OR4S2: variants seen among roughly 807,000 people sequenced by gnomAD.
The protein encoded by OR4S2 is olfactory receptor 4S2.
In OR4S2, 16 loss-of-function variants were observed where a neutral mutation model predicts 15.1. The ratio of observed to expected loss-of-function variants is 1.06; its 90% CI spans 0.72 to 1.61. The LOEUF is 1.61. OR4S2 is among the 40% of genes most tolerant of loss of function. The pLI is 0.00. For synonymous variants in OR4S2, 133 were observed against 136.3 expected (o/e 0.98, Z 0.17); for missense variants, 362 against 379.6 (o/e 0.95, Z 0.38).
Position 55,651,827 on chromosome 11 carries a change from T to C in OR4S2, c.924T>C (p.Ala308=), listed in dbSNP as rs751438979. ...KLWGRNVFLE[A]KGK is the part of the protein sequence containing the mutation. Reference sequence around the variant, plus strand: ...GGGGCAGAAATGTTTTCTTGGAGGCTAAAGGGAAATAGTTGGACTTAATAA... The same window carrying C: ...GGGGCAGAAATGTTTTCTTGGAGGCCAAAGGGAAATAGTTGGACTTAATAA... The change falls in exon 2 of 2, where the codon GCT becomes GCC. Residue 308 remains alanine (A), a synonymous_variant. Coordinates refer to ENST00000641692, the MANE Select transcript of OR4S2 (RefSeq NM_001004059.3). 4.3e-6 allele frequency: 6 copies of C among 1,386,314 alleles called. 2 individuals are homozygous for C. In the South Asian group the frequency reaches 5.0e-5, roughly 12 times the overall value. The allele number at this position is 1,386,314 out of a possible 1,614,324, so 85.9% of individuals were successfully genotyped here. A position where few individuals can be genotyped will look rare whatever the true frequency, so the allele number is the denominator to read the frequency against.
rs1228576398 is a variant in OR4S2 at position 55,651,401 on chromosome 11, T to C, written c.498T>C (p.Phe166=). The C allele has an allele frequency of 1.3e-6, 2 of 1,489,042 alleles. 1 individual carries two copies. Among genetic ancestry groups the C allele is most frequent in the East Asian group, 5.2e-5 (2 of 38,748 alleles). 92.2% of individuals were successfully genotyped at this position (1,489,042 alleles called of 1,614,324 possible). The change falls in exon 2 of 2, where the codon TTT becomes TTC. Residue 166 remains phenylalanine (F), a synonymous_variant. Coordinates refer to ENST00000641692, the MANE Select transcript of OR4S2 (RefSeq NM_001004059.3). The stretch of plus-strand genomic sequence containing the variant: ...TGGCTCTGGTAGTCCAACTACCCTT[T>C]TGTGGACCCAATGAGATAGATCACT... ...IQVALVVQLP[F]CGPNEIDHYF...
chr11:55,650,336 T>G (rs1858547511), intron 1 of OR4S2, among the ~76,000 whole-genome samples: 1 of 138,764 alleles, frequency 7.2e-6, no homozygotes, highest in African/African-American at 2.5e-5. Context: ...TGAGAAGAAC[T>G]TGCAAAGGCA....
At position 55,649,650 on chromosome 11, in the gene OR4S2, A is replaced by G. The variant is rs80086123; in HGVS notation, c.-37+1100A>G. 1.0e-4 allele frequency among the ~76,000 whole-genome samples: 14 copies of G among 139,024 alleles called. 2 individuals carry two copies. In the South Asian group the frequency reaches 2.1e-3, roughly 21 times the overall value. 91.2% of individuals were successfully genotyped at this position (139,024 alleles called of 152,430 possible). The stretch of plus-strand genomic sequence containing the variant: ...CATTGTAGTGCCTGAAATTTCACCA[A>G]TGAATATTCATCCATTTAGATAAAT... On this transcript the variant is annotated intron_variant, in intron 1 of 1. Transcript: ENST00000641692.
At position 55,651,651 on chromosome 11, in the gene OR4S2, G is replaced by T. The variant is rs757570101; in HGVS notation, c.748G>T (p.Gly250Cys). The change falls in exon 2 of 2, where the codon GGC becomes TGC. Residue 250 changes from glycine to cysteine, a missense_variant. Gly to Cys is a radical substitution (Grantham distance 159, BLOSUM62 -3). Coordinates refer to ENST00000641692, the MANE Select transcript of OR4S2 (RefSeq NM_001004059.3). ...SHIAMVVIFFGPCTFMYMRPD... is the reference protein window; with the variant it reads ...SHIAMVVIFFCPCTFMYMRPD... ...CATTGCCATGGTCGTTATCTTTTTC[G>T]GCCCCTGTACTTTTATGTACATGCG... 4.0e-6 allele frequency: 6 copies of T among 1,491,968 alleles called. 3 individuals carry two copies. The South Asian group carries it at 7.1e-5, about 18-fold the overall frequency. The allele number at this position is 1,491,968 out of a possible 1,614,324, so 92.4% of individuals were successfully genotyped here. A position where few individuals can be genotyped will look rare whatever the true frequency, so the allele number is the denominator to read the frequency against.
rs572122862 is a variant in OR4S2 at position 55,649,410 on chromosome 11, C to T, written c.-37+860C>T. Among the ~76,000 whole-genome samples the T allele has an allele frequency of 2.2e-5, 3 of 138,156 alleles. 1 individual carries two copies. The highest frequency in any genetic ancestry group is 4.8e-5 in the Non-Finnish European group (3 of 62,114). 90.6% of individuals were successfully genotyped at this position (138,156 alleles called of 152,430 possible). ...TCCCAAAAGCTGGAAGTATTAGGCA[C>T]GACTTCACTGCATAAGGATAGCTGA... On this transcript the variant is annotated intron_variant, in intron 1 of 1. Coordinates refer to ENST00000641692, the MANE Select transcript of OR4S2 (RefSeq NM_001004059.3).
rs756305774 is a variant in OR4S2, at chr11:55,651,545, C to T, written c.642C>T (p.Ile214=). Residue 214 remains isoleucine, a synonymous_variant, in exon 2 of 2, where the codon ATC becomes ATT. Coordinates refer to ENST00000641692, the MANE Select transcript of OR4S2 (RefSeq NM_001004059.3). ...IALGSFVILL[I]SYSIILVSLR... ...TGGGGAGTTTTGTTATCTTGCTAAT[C>T]TCCTACAGCATCATCCTAGTTTCCC... 1.3e-6 allele frequency: 2 copies of T among 1,492,678 alleles called. No individual in the cohort carries two copies. Among genetic ancestry groups the T allele is most frequent in the East Asian group, 5.2e-5 (2 of 38,758 alleles). 92.5% of individuals were successfully genotyped at this position (1,492,678 alleles called of 1,614,324 possible).
chr11:55,651,839 G>T lies in OR4S2; in HGVS notation c.936G>T (p.Ter312TyrextTer6), dbSNP rs747622792. The change falls in exon 2 of 2, where the codon TAG becomes TAT. Residue 312 changes from the stop codon to tyrosine, a stop_lost. Coordinates refer to ENST00000641692, the MANE Select transcript of OR4S2 (RefSeq NM_001004059.3). ...RNVFLEAKGK* is the reference protein window; with the variant it reads ...RNVFLEAKGKY ...TTTTCTTGGAGGCTAAAGGGAAATA[G>T]TTGGACTTAATAATTTAAGCTAGAT... The T allele has an allele frequency of 7.5e-7, 1 of 1,341,286 alleles. No homozygotes were observed. The highest frequency in any genetic ancestry group is 1.0e-6 in the Non-Finnish European group (1 of 971,956). The allele number at this position is 1,341,286 out of a possible 1,614,324, so 83.1% of individuals were successfully genotyped here. A position where few individuals can be genotyped will look rare whatever the true frequency, so the allele number is the denominator to read the frequency against.
At position 55,649,546 on chromosome 11, in the gene OR4S2, T is replaced by C. The variant is rs1414393895; in HGVS notation, c.-37+996T>C. 1.4e-5 allele frequency among the ~76,000 whole-genome samples: 2 copies of C among 138,466 alleles called. 1 individual carries two copies. The highest frequency in any genetic ancestry group is 1.6e-4 in the Admixed American group (2 of 12,660). The allele number at this position is 138,466 out of a possible 152,430, so 90.8% of individuals were successfully genotyped here. A position where few individuals can be genotyped will look rare whatever the true frequency, so the allele number is the denominator to read the frequency against. The stretch of plus-strand genomic sequence containing the variant: ...TGGAGGGATCATTTACACCTGCGGT[T>C]GATTAGCGAAAGAATCCTAAAAGCT... On this transcript the variant is annotated intron_variant, in intron 1 of 1. Transcript: ENST00000641692.
chr11:55,651,777 G>A lies in OR4S2; in HGVS notation c.874G>A (p.Val292Ile), dbSNP rs1188605809. The change falls in exon 2 of 2, where the codon GTA (valine) becomes ATA (isoleucine). Residue 292 changes from valine (V) to isoleucine (I), a missense_variant. By Grantham distance (29) the Val-to-Ile change is conservative (BLOSUM62 3). Coordinates refer to ENST00000641692, the MANE Select transcript of OR4S2 (RefSeq NM_001004059.3). ...PLIYTLRNAE[V>I]KNAMKKLWGR... Reference sequence around the variant, plus strand: ...GATTTATACACTGAGAAATGCAGAAGTAAAGAATGCAATGAAGAAACTGTG... The same window carrying A: ...GATTTATACACTGAGAAATGCAGAAATAAAGAATGCAATGAAGAAACTGTG... The A allele has an allele frequency of 6.8e-7, 1 of 1,464,430 alleles. No individual in the cohort carries two copies. Among genetic ancestry groups the A allele is most frequent in the South Asian group, 1.2e-5 (1 of 83,880 alleles). The allele number at this position is 1,464,430 out of a possible 1,614,324, so 90.7% of individuals were successfully genotyped here.
chr11:55,648,635 A>G (rs1464019501), intron 1 of OR4S2, 85 bp downstream of exon 1: 2 of 138,674 alleles, frequency 1.4e-5, no homozygotes, highest in Non-Finnish European at 3.2e-5. Context: ...CATTTATAAA[A>G]TAATGGAAAA....
At position 55,651,552 on chromosome 11, in the gene OR4S2, A is replaced by G. The variant is rs143495563; in HGVS notation, c.649A>G (p.Ser217Gly). The G allele has an allele frequency of 6.7e-7, 1 of 1,493,074 alleles. No homozygotes were observed. Among genetic ancestry groups the G allele is most frequent in the African/African-American group, 1.4e-5 (1 of 72,872 alleles). 92.5% of individuals were successfully genotyped at this position (1,493,074 alleles called of 1,614,324 possible). Residue 217 changes from serine (S) to glycine (G), a missense_variant, in exon 2 of 2, where the codon AGC becomes GGC. Transcript: ENST00000641692. ...TTTTGTTATCTTGCTAATCTCCTAC[A>G]GCATCATCCTAGTTTCCCTGAGAAA... is the stretch of plus-strand genomic sequence containing the variant. ...GSFVILLISY[S>G]IILVSLRKQS...
In OR4S2 at chr11:55,652,320, C is replaced by T. The variant is rs1858580082; in HGVS notation, c.*481C>T. 7.2e-6 allele frequency: 1 copy of T among 139,776 alleles called. No individual in the cohort carries two copies. Among genetic ancestry groups the T allele is most frequent in the Admixed American group, 7.8e-5 (1 of 12,850 alleles). The allele number at this position is 139,776 out of a possible 1,614,324, so 8.7% of individuals were successfully genotyped here. On this transcript the variant is annotated 3_prime_UTR_variant, in exon 2 of 2. Transcript: ENST00000641692. ...ACTCATATATTTCCTTCTAAATAAACAATCCTCTACCCTGCTGCCTAGGCT... is the reference window on the plus strand; with the variant it reads ...ACTCATATATTTCCTTCTAAATAAATAATCCTCTACCCTGCTGCCTAGGCT...
chr11:55,650,576 G>A (rs1858550077), intron 1 of OR4S2, among the ~76,000 whole-genome samples: 1 of 138,650 alleles, frequency 7.2e-6, no homozygotes, highest in Non-Finnish European at 1.6e-5. Context: ...ACTAAATAAA[G>A]TTTAGAAACA....
intron 1 of OR4S2, among the ~76,000 whole-genome samples, chr11:55,650,487 G>A (rs559203057): frequency 5.0e-5 from 7 of 138,866 alleles, no homozygotes; most frequent in Admixed American, 3.9e-4. Flanking sequence ...CCAGATATTT[G>A]CCAGTAGATA....
chr11:55,651,033 A>G lies in OR4S2; in HGVS notation c.130A>G (p.Met44Val). 2.0e-6 allele frequency: 3 copies of G among 1,470,468 alleles called. 1 individual carries two copies. The highest frequency in any genetic ancestry group is 5.2e-5 in the East Asian group (2 of 38,602). The allele number at this position is 1,470,468 out of a possible 1,614,324, so 91.1% of individuals were successfully genotyped here. ...CATTCTTCTGGGAAATCTCCTCATCATGCTGACAGTTTGCCTGAGCAACCT... is the reference window on the plus strand; with the variant it reads ...CATTCTTCTGGGAAATCTCCTCATCGTGCTGACAGTTTGCCTGAGCAACCT... ...IIILLGNLLI[M>V]LTVCLSNLFK... Residue 44 changes from methionine (M) to valine (V), a missense_variant, in exon 2 of 2, where the codon ATG (methionine) becomes GTG (valine). Transcript: ENST00000641692.
intron 1 of OR4S2, among the ~76,000 whole-genome samples, chr11:55,649,082 A>C (rs543415489): frequency 7.2e-6 from 1 of 138,254 alleles, no homozygotes; most frequent in African/African-American, 2.5e-5. Flanking sequence ...TGTGTGCAAA[A>C]GCCCAGTTTC....
Position 55,649,038 on chromosome 11 carries a change from T to G in OR4S2, c.-37+488T>G, listed in dbSNP as rs1351543852. Among the ~76,000 whole-genome samples the G allele has an allele frequency of 7.3e-5, 10 of 136,398 alleles. 3 individuals are homozygous for G. The highest frequency in any genetic ancestry group is 1.1e-4 in the Non-Finnish European group (7 of 61,128). 89.5% of individuals were successfully genotyped at this position (136,398 alleles called of 152,430 possible). ...AAAAAAAAATTCCTCTAGAACCTTGTGATATGGACGGTAGGGGAAAAAATC... is the reference window on the plus strand; with the variant it reads ...AAAAAAAAATTCCTCTAGAACCTTGGGATATGGACGGTAGGGGAAAAAATC... On this transcript the variant is annotated intron_variant, in intron 1 of 1. Coordinates refer to ENST00000641692, the MANE Select transcript of OR4S2 (RefSeq NM_001004059.3).
chr11:55,651,700 A>T lies in OR4S2; in HGVS notation c.797A>T (p.Asp266Val), dbSNP rs759794052. ...YMRPDTTFSE[D>V]KMVAVFYTII... ...CGCCCTGATACGACCTTTTCAGAGG[A>T]TAAGATGGTGGCTGTATTTTACACC... Residue 266 changes from aspartate (D) to valine (V), a missense_variant, in exon 2 of 2, where the codon GAT becomes GTT. By Grantham distance (152) the Asp-to-Val change is radical. Coordinates refer to ENST00000641692, the MANE Select transcript of OR4S2 (RefSeq NM_001004059.3). 10 of 1,483,886 alleles carry T rather than the reference A, an allele frequency of 6.7e-6. No homozygotes were observed. Among genetic ancestry groups the T allele is most frequent in the Non-Finnish European group, 8.3e-6 (9 of 1,089,394 alleles). 91.9% of individuals were successfully genotyped at this position (1,483,886 alleles called of 1,614,324 possible). A position where few individuals can be genotyped will look rare whatever the true frequency, so the allele number is the denominator to read the frequency against.
In OR4S2 at chr11:55,651,524, G is replaced by T. The variant is rs1423121586; in HGVS notation, c.621G>T (p.Gly207=). The T allele has an allele frequency of 3.4e-6, 5 of 1,490,738 alleles. 1 individual carries two copies. Among genetic ancestry groups the T allele is most frequent in the African/African-American group, 1.4e-5 (1 of 72,784 alleles). The allele number at this position is 1,490,738 out of a possible 1,614,324, so 92.3% of individuals were successfully genotyped here. ...CCAACAGTGGTACCATTGCTCTGGGGAGTTTTGTTATCTTGCTAATCTCCT... is the reference window on the plus strand; with the variant it reads ...CCAACAGTGGTACCATTGCTCTGGGTAGTTTTGTTATCTTGCTAATCTCCT... ...VTANSGTIAL[G]SFVILLISYS... is the part of the protein sequence containing the mutation. Residue 207 remains glycine, a synonymous_variant, in exon 2 of 2, where the codon GGG becomes GGT. Transcript: ENST00000641692.
Sources: gnomAD v4.1 joint callset for allele counts (sites outside exome capture counted in the v4.1 genomes callset) on GRCh38, gnomAD v4.1.1 for gene constraint, MANE v1.5 for transcripts, NCBI Gene and HGNC (gene_info 2026-07-23, HGNC 2026-07-21) for gene names.